The following PLCH1 variants were observed in gnomAD, a reference collection of about 807,000 sequenced individuals.
The protein encoded by PLCH1 is phospholipase C eta 1, also known as 1-phosphatidylinositol 4,5-bisphosphate phosphodiesterase eta-1.
A neutral mutation model predicts 126.7 loss-of-function variants in PLCH1; 60 were observed. The ratio of observed to expected loss-of-function variants is 0.47; its 90% CI spans 0.38 to 0.59. The LOEUF (loss-of-function observed/expected upper bound fraction) is 0.59, where lower values mean the gene tolerates loss of function less well. Among genes scored for constraint, PLCH1 ranks in the 20% least tolerant of loss-of-function variants. PLCH1 has a pLI of 0.00. For missense variants in PLCH1, 1,723 were observed against 2,040.0 expected, an observed-to-expected ratio of 0.84 and a Z score of 2.99; for synonymous variants, 719 against 734.9, an observed-to-expected ratio of 0.98 and a Z score of 0.35.
chr3:155,608,739 C>T (rs1381258240), intron 2 of PLCH1, among the ~76,000 whole-genome samples: 1 of 152,158 alleles, frequency 6.6e-6, no homozygotes, highest in Non-Finnish European at 1.5e-5. Context: ...CTGATCCTGC[C>T]CCCATCGGAT....
chr3:155,586,008 G>C (rs1437647768), intron 5 of PLCH1, 57 bp downstream of exon 5: 2 of 1,480,166 alleles, frequency 1.4e-6, no homozygotes, highest in Non-Finnish European at 1.9e-6. Context: ...ATATACCTAA[G>C]TATGTTAATA....
chr3:155,741,684 C>CTTTTATTTTATT lies in PLCH1; in HGVS notation c.-41+3155_-41+3156insAATAAAATAAAA. Among the ~76,000 whole-genome samples the CTTTTATTTTATT allele has an allele frequency of 1.5e-4, 15 of 102,862 alleles. No individual in the cohort carries two copies. The South Asian group carries it at 3.9e-3, about 27-fold the overall frequency. 67.5% of individuals were successfully genotyped at this position (102,862 alleles called of 152,430 possible). ...TCCTTTTATCATAATTTTATATCCTCTTTTTTTTTTTTTTTTTTTTGTTCA... is the reference window on the plus strand; with the variant it reads ...TCCTTTTATCATAATTTTATATCCTCTTTTATTTTATTTTTTTTTTTTTTTTTTTTTTGTTCA... On this transcript the variant is annotated intron_variant, in intron 1 of 22. Coordinates refer to ENST00000460012, the MANE Select transcript of PLCH1 (RefSeq NM_014996.4).
chr3:155,570,366 A>G (rs1445906951), intron 6 of PLCH1, among the ~76,000 whole-genome samples: 2 of 152,110 alleles, frequency 1.3e-5, no homozygotes, highest in Admixed American at 1.3e-4. Context: ...AGAAATAGGA[A>G]TTTCTCCCTA....
chr3:155,606,385 A>G (rs1330598810), intron 2 of PLCH1, among the ~76,000 whole-genome samples: 4 of 152,112 alleles, frequency 2.6e-5, no homozygotes, highest in African/African-American at 9.7e-5. Context: ...AAAATCTAAG[A>G]CTTCGCTCTG....
chr3:155,606,253 AC>A (rs1316195081), intron 2 of PLCH1, among the ~76,000 whole-genome samples: 1 of 152,098 alleles, frequency 6.6e-6, no homozygotes, highest in Non-Finnish European at 1.5e-5. Flanking sequence ...ACAAGTGAGG[AC>A]CTAAGGTAAT....
At chr3:155,650,419 T>C (rs1001847364) in intron 2 of PLCH1, among the ~76,000 whole-genome samples, 1 of 152,058 alleles carries the variant, frequency 6.6e-6, no homozygotes, top group African/African-American at 2.4e-5. Context: ...CCAGGAGAGA[T>C]CATTACTGGC....
At position 155,724,812 on chromosome 3, in the gene PLCH1, T is replaced by TG. The variant is rs1208274886; in HGVS notation, c.-41+20027_-41+20028insC. Among the ~76,000 whole-genome samples the TG allele has an allele frequency of 2.3e-4, 31 of 136,596 alleles. No homozygotes were observed. The South Asian group carries it at 4.8e-3, about 21-fold the overall frequency. 89.6% of individuals were successfully genotyped at this position (136,596 alleles called of 152,430 possible). A position where few individuals can be genotyped will look rare whatever the true frequency, so the allele number is the denominator to read the frequency against. On this transcript the variant is annotated intron_variant, in intron 1 of 22. Coordinates refer to ENST00000460012, the MANE Select transcript of PLCH1 (RefSeq NM_014996.4). ...TTGTTGCCTGAATACCTTGGGGGGT[T>TG]TTGTGTGTGTGTGTGTGTGTGTGTG...
chr3:155,706,797 G>A (rs962158336), intron 1 of PLCH1, among the ~76,000 whole-genome samples: 1 of 151,982 alleles, frequency 6.6e-6, no homozygotes, highest in Non-Finnish European at 1.5e-5. Flanking sequence ...CTTCTGCCTG[G>A]TTCCCTATCT....
intron 21 of PLCH1, among the ~76,000 whole-genome samples, chr3:155,466,161 G>C (rs540559687): frequency 6.0e-4 from 92 of 152,312 alleles, no homozygotes; most frequent in African/African-American, 2.0e-3. Context: ...CCAGGGAGTG[G>C]TCACAGTAGG....
intron 7 of PLCH1, 21 bp from the exon 8 acceptor site, chr3:155,565,139 CT>C (rs2108511581): frequency 6.5e-7 from 1 of 1,539,536 alleles, no homozygotes; most frequent in African/African-American, 1.4e-5. Flanking sequence ...AAGAGAGTGA[CT>C]TACTACAGCT....
chr3:155,459,096 G>A (rs1183582016), intron 21 of PLCH1, among the ~76,000 whole-genome samples: 1 of 152,214 alleles, frequency 6.6e-6, no homozygotes, highest in Non-Finnish European at 1.5e-5. Context: ...ATTGGGATAA[G>A]GTGGGGGTTT....
chr3:155,703,709 T>C (rs1390165010), intron 2 of PLCH1, among the ~76,000 whole-genome samples: 1 of 152,160 alleles, frequency 6.6e-6, no homozygotes, highest in Non-Finnish European at 1.5e-5. Context: ...CTTCAATAAG[T>C]GTCTAAAGCA....
intron 2 of PLCH1, among the ~76,000 whole-genome samples, chr3:155,637,471 T>C: frequency 6.6e-6 from 1 of 151,152 alleles, no homozygotes; most frequent in South Asian, 2.1e-4. Flanking sequence ...TAAAATGCCA[T>C]GTAGATAAGG....
chr3:155,531,654 G>A (rs778348971), intron 10 of PLCH1, among the ~76,000 whole-genome samples: 36 of 152,300 alleles, frequency 2.4e-4, no homozygotes, highest in Middle Eastern at 6.8e-3. Flanking sequence ...GTTGTTTAGT[G>A]TAGCCACCTT....
At chr3:155,545,884 A>G (rs903525777) in intron 10 of PLCH1, among the ~76,000 whole-genome samples, 1 of 152,204 alleles carries the variant, frequency 6.6e-6, no homozygotes, top group Non-Finnish European at 1.5e-5. Flanking sequence ...GATGGGACAT[A>G]TCTCAAAATA....
At chr3:155,737,703 A>G (rs1325440057) in intron 1 of PLCH1, among the ~76,000 whole-genome samples, 3 of 152,220 alleles carry the variant, frequency 2.0e-5, no homozygotes, top group African/African-American at 7.2e-5. Context: ...AAGAAATAGG[A>G]TGTCTGGAGA....
intron 2 of PLCH1, among the ~76,000 whole-genome samples, chr3:155,653,142 T>C (rs1740918855): frequency 1.7e-5 from 1 of 58,296 alleles, no homozygotes; most frequent in African/African-American, 9.7e-5. Flanking sequence ...TAGATATAGA[T>C]ATAGATATAG....
intron 1 of PLCH1, among the ~76,000 whole-genome samples, chr3:155,744,233 C>G (rs1346996604): frequency 6.6e-6 from 1 of 152,190 alleles, no homozygotes; most frequent in Non-Finnish European, 1.5e-5. Context: ...CAGAGCGTGC[C>G]GCCGCGGGGC....
chr3:155,532,121 T>A (rs1722776336), intron 10 of PLCH1, among the ~76,000 whole-genome samples: 1 of 152,216 alleles, frequency 6.6e-6, no homozygotes, highest in Non-Finnish European at 1.5e-5. Flanking sequence ...TAATCATTTG[T>A]AGTTTTTGAT....
Sources: allele counts gnomAD v4.1 joint callset (sites outside exome capture counted in the v4.1 genomes callset), GRCh38; gene constraint gnomAD v4.1.1; transcripts MANE v1.5; gene names NCBI Gene and HGNC (gene_info 2026-07-23, HGNC 2026-07-21).